The following PPP1R13B variants were observed in gnomAD, a reference collection of about 807,000 sequenced individuals.
PPP1R13B encodes protein phosphatase 1 regulatory subunit 13B.
A neutral mutation model predicts 119.8 loss-of-function variants in PPP1R13B; 44 were observed. That is an observed-to-expected ratio of 0.37 (90% CI 0.29 to 0.47). The LOEUF (loss-of-function observed/expected upper bound fraction) is 0.47, where lower values mean the gene tolerates loss of function less well. Ranked by LOEUF, PPP1R13B falls within the 20% of genes least tolerant of loss-of-function variation. The pLI is 0.99. For synonymous variants in PPP1R13B, 542 were observed against 561.5 expected (o/e 0.97, Z 0.49); for missense variants, 1,227 against 1,413.5 (o/e 0.87, Z 2.12).
intron 1 of PPP1R13B, among the ~76,000 whole-genome samples, chr14:103,825,976 C>G (rs898945845): frequency 6.6e-6 from 1 of 151,958 alleles, no homozygotes; most frequent in African/African-American, 2.4e-5. Context: ...TCCAGAGTAG[C>G]TGAAATTACA....
chr14:103,846,638 G>A (rs1354919172), intron 1 of PPP1R13B: 1 of 425,450 alleles, frequency 2.4e-6, no homozygotes, highest in Non-Finnish European at 4.7e-6. Context: ...AGGGTCGGTA[G>A]GACGATGGCA....
chr14:103,759,841 C>T (rs2084763364), intron 4 of PPP1R13B, among the ~76,000 whole-genome samples: 1 of 152,078 alleles, frequency 6.6e-6, no homozygotes, highest in Admixed American at 6.6e-5. Flanking sequence ...TTTTACTTAC[C>T]TAAACCAAAA....
intron 4 of PPP1R13B, among the ~76,000 whole-genome samples, chr14:103,764,722 C>A (rs1405775795): frequency 6.6e-6 from 1 of 151,854 alleles, no homozygotes; most frequent in East Asian, 1.9e-4. Flanking sequence ...CTGTTTGGTT[C>A]CTTTTTCGGT....
In PPP1R13B at chr14:103,767,467, G is replaced by A. The variant is rs534194281; in HGVS notation, c.355-9716C>T. Among the ~76,000 whole-genome samples the A allele has an allele frequency of 3.9e-5, 6 of 152,038 alleles. No individual in the cohort carries two copies. In the South Asian group the frequency reaches 6.2e-4, roughly 16 times the overall value. ...AGATTCCAGGAGTTGTGACACCATT[G>A]CAAAGCACAGCAAACAATGACCTCA... On this transcript the variant is annotated intron_variant, in intron 4 of 16. Transcript: ENST00000202556.
intron 2 of PPP1R13B, among the ~76,000 whole-genome samples, chr14:103,788,764 A>G (rs1460880247): frequency 6.6e-6 from 1 of 152,154 alleles, no homozygotes; most frequent in East Asian, 1.9e-4. Context: ...TAAGGGCTTC[A>G]TGAGATATTG....
intron 4 of PPP1R13B, chr14:103,763,284 AG>A (rs1241195005): frequency 2.5e-6 from 1 of 396,724 alleles, no homozygotes; most frequent in African/African-American, 2.1e-5. Context: ...TTCTTAGCAC[AG>A]TGCGTCCATT....
chr14:103,790,679 C>T (rs2085595420), intron 2 of PPP1R13B, among the ~76,000 whole-genome samples: 1 of 152,094 alleles, frequency 6.6e-6, no homozygotes, highest in African/African-American at 2.4e-5. Context: ...CCACTGCACT[C>T]CAGCCTGCGT....
At position 103,735,172 on chromosome 14, in the gene PPP1R13B, T is replaced by G; in HGVS notation, c.3255A>C (p.Arg1085=). ...LLGLYPRIKP[R]QRTLA ...AGGAAGTTCAGGCGAGTGTTCGCTG[T>G]CGGGGTTTGATCCGTGGATACAGCT... The change falls in exon 17 of 17, where the codon CGA becomes CGC. Residue 1085 remains arginine, a synonymous_variant. Transcript: ENST00000202556. 6.2e-7 allele frequency: 1 copy of G among 1,614,130 alleles called. No homozygotes were observed. Among genetic ancestry groups the G allele is most frequent in the Non-Finnish European group, 8.5e-7 (1 of 1,180,016 alleles).
At chr14:103,846,884 G>A in intron 1 of PPP1R13B, 2 of 636,940 alleles carry the variant, frequency 3.1e-6, no homozygotes, top group South Asian at 3.0e-5. Context: ...CGCCTGCAGA[G>A]TGTGGGAACT....
At chr14:103,839,651 A>C (rs1192441366) in intron 1 of PPP1R13B, among the ~76,000 whole-genome samples, 2 of 150,392 alleles carry the variant, frequency 1.3e-5, no homozygotes, top group South Asian at 2.1e-4. Flanking sequence ...AAATCTTTCT[A>C]TCTCCTTTGT....
intron 1 of PPP1R13B, among the ~76,000 whole-genome samples, chr14:103,813,658 T>C (rs1457912572): frequency 6.6e-6 from 1 of 152,114 alleles, no homozygotes; most frequent in Admixed American, 6.6e-5. Context: ...ATCTCTTTCC[T>C]TTATAAATTA....
intron 1 of PPP1R13B, among the ~76,000 whole-genome samples, chr14:103,816,958 A>G (rs1350199700): frequency 1.3e-5 from 2 of 152,160 alleles, no homozygotes; most frequent in African/African-American, 4.8e-5. Context: ...TTTACAAATG[A>G]CTCTATCCAT....
chr14:103,820,424 G>A (rs904348385), intron 1 of PPP1R13B, among the ~76,000 whole-genome samples: 2 of 146,818 alleles, frequency 1.4e-5, no homozygotes, highest in Non-Finnish European at 3.0e-5. Flanking sequence ...TAGCACTCAG[G>A]ATGTTCTCAC....
At chr14:103,817,555 A>G (rs569805809) in intron 1 of PPP1R13B, among the ~76,000 whole-genome samples, 18 of 152,214 alleles carry the variant, frequency 1.2e-4, no homozygotes, top group Non-Finnish European at 2.4e-4. Context: ...AAAGTAGGGT[A>G]CATACAGAGC....
At chr14:103,846,798 G>T (rs934314249) in intron 1 of PPP1R13B, 2 of 458,108 alleles carry the variant, frequency 4.4e-6, no homozygotes, top group African/African-American at 4.0e-5. Context: ...ACGGGAAAAG[G>T]GAATTCCTAA....
chr14:103,829,427 T>A (rs558019452), intron 1 of PPP1R13B, among the ~76,000 whole-genome samples: 46 of 152,038 alleles, frequency 3.0e-4, no homozygotes, highest in South Asian at 1.2e-3. Context: ...TTAAAAAAAA[T>A]TTTTTTTTAA....
intron 1 of PPP1R13B, among the ~76,000 whole-genome samples, chr14:103,805,166 T>A (rs1035163989): frequency 5.9e-5 from 9 of 152,154 alleles, no homozygotes; most frequent in Admixed American, 1.3e-4. Context: ...ATTTGCCATA[T>A]GGCCCCCAGC....
chr14:103,794,645 T>C (rs148803528), intron 2 of PPP1R13B: 42 of 448,270 alleles, frequency 9.4e-5, no homozygotes, highest in African/African-American at 6.1e-4. Flanking sequence ...GTAAGTTTTA[T>C]GTGAGGGTTC....
intron 7 of PPP1R13B, among the ~76,000 whole-genome samples, chr14:103,752,254 C>T (rs530850046): frequency 9.2e-5 from 14 of 152,252 alleles, no homozygotes; most frequent in African/African-American, 1.9e-4. Flanking sequence ...TTTAGATTAT[C>T]GGATTAAGGA....
Sources: gnomAD v4.1 joint callset for allele counts (sites outside exome capture counted in the v4.1 genomes callset) on GRCh38, gnomAD v4.1.1 for gene constraint, MANE v1.5 for transcripts, NCBI Gene and HGNC (gene_info 2026-07-23, HGNC 2026-07-21) for gene names.